VSTM5: variants seen among roughly 807,000 people sequenced by gnomAD.
VSTM5 encodes the protein V-set and transmembrane domain containing 5.
In VSTM5, 21 loss-of-function variants were observed where a neutral mutation model predicts 20.3. That is an observed-to-expected ratio of 1.03 (90% confidence interval 0.73 to 1.49). The LOEUF is 1.49. Ranked by LOEUF, VSTM5 falls within the 40% of genes most tolerant of loss-of-function variation. The probability of loss-of-function intolerance (pLI) is 0.00; values close to 1 mark genes in which losing one functional copy is unlikely to be tolerated. For synonymous variants in VSTM5, 100 were observed against 102.5 expected (o/e 0.98, Z 0.14); for missense variants, 219 against 250.0 (o/e 0.88, Z 0.84).
chr11:93,844,881 T>C (rs114927916), intron 1 of VSTM5, among the ~76,000 whole-genome samples: 2,180 of 132,470 alleles, frequency 0.016, 513 homozygotes, highest in African/African-American at 0.048. Context: ...GCACAGTGCG[T>C]GCTCAGGAAC....
chr11:93,829,339 C>T (rs1944263157), intron 1 of VSTM5, among the ~76,000 whole-genome samples: 1 of 152,142 alleles, frequency 6.6e-6, no homozygotes, highest in Non-Finnish European at 1.5e-5. Flanking sequence ...ACAGCCTGGC[C>T]AACATGGTGA....
At chr11:93,832,987 A>C (rs769063726) in intron 1 of VSTM5, among the ~76,000 whole-genome samples, 8 of 152,190 alleles carry the variant, frequency 5.3e-5, no homozygotes, top group Non-Finnish European at 1.0e-4. Flanking sequence ...AAAAAGCAGA[A>C]GTCTAGACCT....
chr11:93,820,668 C>T (rs905017550), intron 3 of VSTM5, 56 bp from the exon 4 acceptor site: 14 of 1,551,394 alleles, frequency 9.0e-6, no homozygotes, highest in Middle Eastern at 1.7e-4. Context: ...GTGCTTTCTT[C>T]GTGAGAACAA....
chr11:93,842,917 C>A (rs1944382178), intron 1 of VSTM5, among the ~76,000 whole-genome samples: 1 of 152,082 alleles, frequency 6.6e-6, no homozygotes, highest in Non-Finnish European at 1.5e-5. Flanking sequence ...GCCTGGCCAA[C>A]ATGGTGAAAC....
Position 93,831,687 on chromosome 11 carries a change from C to T in VSTM5, c.92-10364G>A, listed in dbSNP as rs575486040. On this transcript the variant is annotated intron_variant, in intron 1 of 3. Coordinates refer to ENST00000409977, the MANE Select transcript of VSTM5 (RefSeq NM_001144871.2). ...CAGATGCAGGTTTAGGTGGAGGCTA[C>T]CAGGCTGTTCCCCTTCATCAGGTTT... 7.2e-5 allele frequency among the ~76,000 whole-genome samples: 11 copies of T among 152,276 alleles called. No homozygotes were observed. In the South Asian group the frequency reaches 2.3e-3, roughly 32 times the overall value.
In VSTM5 at chr11:93,847,503, A is replaced by G. The variant is rs377160884; in HGVS notation, c.91+2909T>C. On this transcript the variant is annotated intron_variant, in intron 1 of 3. Coordinates refer to ENST00000409977, the MANE Select transcript of VSTM5 (RefSeq NM_001144871.2). Reference sequence around the variant, plus strand: ...CTCTATTTTTCTGAGGACTGGCCCCAGTGTGTATATGTGTGTGTGTTGGGG... The same window carrying G: ...CTCTATTTTTCTGAGGACTGGCCCCGGTGTGTATATGTGTGTGTGTTGGGG... Among the ~76,000 whole-genome samples the G allele has an allele frequency of 1.4e-4, 22 of 152,238 alleles. No homozygotes were observed. The East Asian group carries it at 1.7e-3, about 12-fold the overall frequency.
intron 1 of VSTM5, among the ~76,000 whole-genome samples, chr11:93,827,016 C>T (rs763193881): frequency 3.7e-4 from 56 of 152,214 alleles, no homozygotes; most frequent in Admixed American, 5.9e-4. Flanking sequence ...ACAGACTAAC[C>T]GGGCATTTAA....
intron 1 of VSTM5, among the ~76,000 whole-genome samples, chr11:93,827,091 A>G (rs1222670643): frequency 6.6e-6 from 1 of 152,198 alleles, no homozygotes; most frequent in Non-Finnish European, 1.5e-5. Context: ...AGGAATAAAT[A>G]ATCTATAACA....
chr11:93,842,782 T>C (rs1421456805), intron 1 of VSTM5, among the ~76,000 whole-genome samples: 1 of 152,172 alleles, frequency 6.6e-6, no homozygotes, highest in Non-Finnish European at 1.5e-5. Context: ...CTGAAGGTAC[T>C]TGGAAGAGGG....
chr11:93,836,096 C>G (rs999653001), intron 1 of VSTM5, among the ~76,000 whole-genome samples: 1 of 152,178 alleles, frequency 6.6e-6, no homozygotes, highest in African/African-American at 2.4e-5. Context: ...CTTCCTCATC[C>G]ACTACATCCC....
chr11:93,843,730 C>T (rs143394057), intron 1 of VSTM5, among the ~76,000 whole-genome samples: 160 of 152,270 alleles, frequency 1.1e-3, no homozygotes, highest in Non-Finnish European at 1.9e-3. Context: ...AGGCTATTAT[C>T]AGTGATCTTT....
chr11:93,830,859 T>C (rs556805692), intron 1 of VSTM5, among the ~76,000 whole-genome samples: 34 of 151,916 alleles, frequency 2.2e-4, no homozygotes, highest in Non-Finnish European at 4.4e-4. Context: ...GCTTAAGCTA[T>C]CCTCTAGCCT....
intron 1 of VSTM5, among the ~76,000 whole-genome samples, chr11:93,824,500 T>C (rs896426524): frequency 2.0e-5 from 3 of 152,252 alleles, no homozygotes; most frequent in Non-Finnish European, 4.4e-5. Context: ...CATCTTTAAA[T>C]CATGTGTTTC....
chr11:93,844,093 G>A (rs191044098), intron 1 of VSTM5, among the ~76,000 whole-genome samples: 6 of 152,266 alleles, frequency 3.9e-5, no homozygotes, highest in East Asian at 1.9e-4. Context: ...GCTTATGTCC[G>A]AATCACCAGC....
intron 2 of VSTM5, 38 bp from the exon 3 acceptor site, chr11:93,820,921 T>C (rs1440853673): frequency 1.3e-6 from 2 of 1,551,020 alleles, no homozygotes; most frequent in Non-Finnish European, 8.7e-7. Context: ...AAGACAACAT[T>C]TCTTTTAATA....
rs1171120697 is a variant in VSTM5 at position 93,820,382 on chromosome 11, T to C, written c.*187A>G. On this transcript the variant is annotated 3_prime_UTR_variant, in exon 4 of 4. Transcript: ENST00000409977. Reference sequence around the variant, plus strand: ...CTCTTCTCCTTGAACTTAGCGCGAGTCCTAATACTAGCTTTGTCCCATCCA... The same window carrying C: ...CTCTTCTCCTTGAACTTAGCGCGAGCCCTAATACTAGCTTTGTCCCATCCA... 6.3e-6 allele frequency: 4 copies of C among 630,720 alleles called. No homozygotes were observed. Among genetic ancestry groups the C allele is most frequent in the Non-Finnish European group, 1.1e-5 (4 of 363,462 alleles). 39.1% of individuals were successfully genotyped at this position (630,720 alleles called of 1,614,324 possible).
chr11:93,822,821 C>T (rs10831104), intron 1 of VSTM5, among the ~76,000 whole-genome samples: 15,080 of 152,238 alleles, frequency 0.099, 990 homozygotes, highest in South Asian at 0.19. Context: ...CTATCAATCA[C>T]GTATCTATGT....
chr11:93,849,666 T>C (rs1944441947), intron 1 of VSTM5, among the ~76,000 whole-genome samples: 2 of 152,200 alleles, frequency 1.3e-5, no homozygotes, highest in South Asian at 4.1e-4. Flanking sequence ...TTGGCCCATG[T>C]GTAAGATGGG....
chr11:93,837,160 T>C (rs2135736271), intron 1 of VSTM5, among the ~76,000 whole-genome samples: 1 of 152,136 alleles, frequency 6.6e-6, no homozygotes. Flanking sequence ...GCCTCCTGAG[T>C]AGCTGAGATT....
Sources: gnomAD v4.1 joint callset for allele counts (sites outside exome capture counted in the v4.1 genomes callset) on GRCh38, gnomAD v4.1.1 for gene constraint, MANE v1.5 for transcripts, NCBI Gene and HGNC (gene_info 2026-07-23, HGNC 2026-07-21) for gene names.